RFX7: variants seen among roughly 807,000 people sequenced by gnomAD.
RFX7 encodes the protein regulatory factor X7, also known as DNA-binding protein RFX7.
Under a neutral mutation model 111.8 loss-of-function variants are expected in RFX7, and 26 were observed. The ratio of observed to expected loss-of-function variants is 0.23; its 90% CI spans 0.17 to 0.32. The LOEUF is 0.32. Ranked by LOEUF, RFX7 falls within the 10% of genes least tolerant of loss-of-function variation. RFX7 has a pLI of 1.00. For synonymous variants in RFX7, 624 were observed against 624.4 expected (o/e 1.00, Z 0.01); for missense variants, 1,573 against 1,772.9 (o/e 0.89, Z 2.02).
At chr15:56,185,774 T>C (rs1439723978) in intron 2 of RFX7, among the ~76,000 whole-genome samples, 1 of 152,212 alleles carries the variant, frequency 6.6e-6, no homozygotes, top group East Asian at 1.9e-4. Context: ...AGTCTCCCTT[T>C]CTTTGTGTAA....
At chr15:56,173,827 T>C (rs1409943951) in intron 3 of RFX7, among the ~76,000 whole-genome samples, 2 of 151,480 alleles carry the variant, frequency 1.3e-5, no homozygotes, top group South Asian at 2.1e-4. Context: ...ATAGAGATAA[T>C]ACAATTAGCA....
intron 3 of RFX7, among the ~76,000 whole-genome samples, chr15:56,150,860 GAGA>G (rs1166113890): frequency 6.6e-6 from 1 of 152,172 alleles, no homozygotes; most frequent in Non-Finnish European, 1.5e-5. Flanking sequence ...AACCAAGGTA[GAGA>G]AGAACATAAA....
At chr15:56,177,887 C>T (rs764094632) in intron 3 of RFX7, among the ~76,000 whole-genome samples, 7 of 152,052 alleles carry the variant, frequency 4.6e-5, no homozygotes, top group Non-Finnish European at 8.8e-5. Context: ...CAATGTATTA[C>T]TCCCTCCACT....
intron 2 of RFX7, among the ~76,000 whole-genome samples, chr15:56,210,392 A>T (rs1235942540): frequency 6.6e-6 from 1 of 152,130 alleles, no homozygotes; most frequent in Non-Finnish European, 1.5e-5. Context: ...ATATCCCTCT[A>T]TCTGAAATGA....
intron 2 of RFX7, among the ~76,000 whole-genome samples, chr15:56,215,968 G>T (rs547805179): frequency 6.6e-6 from 1 of 152,232 alleles, no homozygotes; most frequent in South Asian, 2.1e-4. Context: ...CTTACCTCAT[G>T]ATGTGGTGGC....
At position 56,158,155 on chromosome 15, in the gene RFX7, A is replaced by T. The variant is rs1395478095; in HGVS notation, c.196-13672T>A. Among the ~76,000 whole-genome samples the T allele has an allele frequency of 2.0e-5, 3 of 152,186 alleles. No individual in the cohort carries two copies. In the East Asian group the frequency reaches 5.8e-4, roughly 29 times the overall value. ...ATGAATGAAGCAGCTGTTACTTGAA[A>T]TTGATGTCTATATCAAGCAGTAAGC... is the stretch of plus-strand genomic sequence containing the variant. On this transcript the variant is annotated intron_variant, in intron 3 of 9. Coordinates refer to ENST00000559447, the MANE Select transcript of RFX7 (RefSeq NM_022841.7).
intron 2 of RFX7, among the ~76,000 whole-genome samples, chr15:56,207,569 GAA>G (rs1271624355): frequency 6.6e-6 from 1 of 151,958 alleles, no homozygotes; most frequent in Non-Finnish European, 1.5e-5. Context: ...AAACATTTGA[GAA>G]AAAAAGCAAT....
chr15:56,121,241 T>G (rs35840822), intron 5 of RFX7, among the ~76,000 whole-genome samples: 49,413 of 152,064 alleles, frequency 0.32, 9,111 homozygotes, highest in Middle Eastern at 0.46. Context: ...TTGAAAGATA[T>G]TTTCACTGGG....
intron 2 of RFX7, among the ~76,000 whole-genome samples, chr15:56,213,632 A>T (rs540514107): frequency 6.6e-6 from 1 of 152,210 alleles, no homozygotes; most frequent in South Asian, 2.1e-4. Flanking sequence ...TGGTTGTGAC[A>T]GTGTATGACG....
At chr15:56,106,685 GA>G (rs146252078) in intron 5 of RFX7, among the ~76,000 whole-genome samples, 4,610 of 152,108 alleles carry the variant, frequency 0.03, 206 homozygotes, top group African/African-American at 0.096. Context: ...AATTTTTAAA[GA>G]AAAAGAATTT....
chr15:56,132,342 A>T (rs1409486095), intron 5 of RFX7, among the ~76,000 whole-genome samples: 2 of 152,096 alleles, frequency 1.3e-5, no homozygotes, highest in Non-Finnish European at 2.9e-5. Flanking sequence ...AATAGCTAAA[A>T]TATCTAAGTA....
intron 2 of RFX7, among the ~76,000 whole-genome samples, chr15:56,185,419 C>T (rs559875014): frequency 1.6e-3 from 249 of 152,152 alleles, no homozygotes; most frequent in Admixed American, 4.8e-3. Flanking sequence ...TATATTTAAT[C>T]AAGTTTATTA....
rs1461266435 is a variant in RFX7, at chr15:56,165,242, C to A, written c.195+14028G>T. Among the ~76,000 whole-genome samples the A allele has an allele frequency of 2.4e-4, 36 of 152,166 alleles. 1 individual carries two copies. Among genetic ancestry groups the A allele is most frequent in the Non-Finnish European group, 2.9e-5 (2 of 68,022 alleles). The stretch of plus-strand genomic sequence containing the variant: ...GGTTCCTGACAGGCCATGAACCATA[C>A]CTGGGGAACCCCTGTTTTAAAGGAT... On this transcript the variant is annotated intron_variant, in intron 3 of 9. Coordinates refer to ENST00000559447, the MANE Select transcript of RFX7 (RefSeq NM_022841.7).
chr15:56,136,716 C>T (rs538580926), intron 5 of RFX7, among the ~76,000 whole-genome samples: 1,784 of 147,428 alleles, frequency 0.012, 41 homozygotes, highest in African/African-American at 0.04. Flanking sequence ...GGAATGCTTC[C>T]AGTTTTTGCC....
At chr15:56,160,350 A>C (rs1412983836) in intron 3 of RFX7, among the ~76,000 whole-genome samples, 1 of 150,998 alleles carries the variant, frequency 6.6e-6, no homozygotes, top group Non-Finnish European at 1.5e-5. Flanking sequence ...ATCAGTAAAA[A>C]GTTTTTTTTT....
intron 2 of RFX7, among the ~76,000 whole-genome samples, chr15:56,183,676 G>C (rs2043001679): frequency 6.6e-6 from 1 of 152,070 alleles, no homozygotes; most frequent in African/African-American, 2.4e-5. Flanking sequence ...TTCCAAAACA[G>C]TCTTGACAAT....
chr15:56,115,612 T>C (rs2041999874), intron 5 of RFX7, among the ~76,000 whole-genome samples: 1 of 152,156 alleles, frequency 6.6e-6, no homozygotes, highest in Admixed American at 6.6e-5. Flanking sequence ...TACTTTCATT[T>C]TTGGATTGCC....
intron 5 of RFX7, among the ~76,000 whole-genome samples, chr15:56,140,506 G>A (rs914427532): frequency 7.2e-5 from 11 of 152,136 alleles, no homozygotes; most frequent in Non-Finnish European, 1.2e-4. Context: ...ACTGACCTGC[G>A]CCCACTGTCT....
At chr15:56,225,112 C>T (rs2043467874) in intron 2 of RFX7, among the ~76,000 whole-genome samples, 1 of 152,168 alleles carries the variant, frequency 6.6e-6, no homozygotes, top group African/African-American at 2.4e-5. Context: ...AACATTTTTA[C>T]ATTTGGAACT....
Sources: allele counts gnomAD v4.1 joint callset (sites outside exome capture counted in the v4.1 genomes callset), GRCh38; gene constraint gnomAD v4.1.1; transcripts MANE v1.5; gene names NCBI Gene and HGNC (gene_info 2026-07-23, HGNC 2026-07-21).